The following RBPMS variants were observed in gnomAD, a reference collection of about 807,000 sequenced individuals.
The protein encoded by RBPMS is RNA-binding protein with multiple splicing.
A neutral mutation model predicts 26.8 loss-of-function variants in RBPMS; 7 were observed. That is an observed-to-expected ratio of 0.26 (90% CI 0.15 to 0.49). RBPMS has a LOEUF of 0.49. RBPMS is among the 20% of genes least tolerant of loss of function. The pLI is 0.98. For missense variants in RBPMS, 186 were observed against 250.0 expected (o/e 0.74, Z 1.73); for synonymous variants, 96 against 93.3 (o/e 1.03, Z -0.17).
chr8:30,479,080 A>G (rs768875254), intron 3 of RBPMS, among the ~76,000 whole-genome samples: 1 of 151,978 alleles, frequency 6.6e-6, no homozygotes, highest in Non-Finnish European at 1.5e-5. Flanking sequence ...TTTTTTTATG[A>G]TTCTCTAAAT....
chr8:30,448,252 A>G (rs1814109838), intron 1 of RBPMS, among the ~76,000 whole-genome samples: 1 of 152,196 alleles, frequency 6.6e-6, no homozygotes, highest in Non-Finnish European at 1.5e-5. Context: ...GTTAACTTGT[A>G]TTTGACATTT....
chr8:30,408,289 G>A (rs1808883149), intron 1 of RBPMS, among the ~76,000 whole-genome samples: 1 of 152,150 alleles, frequency 6.6e-6, no homozygotes, highest in Admixed American at 6.5e-5. Context: ...AGCACTTTAG[G>A]AGGCTGAGGC....
chr8:30,511,016 T>C (rs958922062), intron 5 of RBPMS, among the ~76,000 whole-genome samples: 15 of 152,034 alleles, frequency 9.9e-5, no homozygotes, highest in Admixed American at 7.9e-4. Context: ...CAACTTCTTA[T>C]TGAAAAAAAT....
At chr8:30,549,720 GA>G in intron 6 of RBPMS, 1 of 576,592 alleles carries the variant, frequency 1.7e-6, no homozygotes, top group Non-Finnish European at 3.1e-6. Context: ...GCCCTTCCTG[GA>G]GGCGATTTCT....
At chr8:30,496,960 G>A (rs918193530) in intron 4 of RBPMS, among the ~76,000 whole-genome samples, 26 of 152,138 alleles carry the variant, frequency 1.7e-4, no homozygotes, top group African/African-American at 5.6e-4. Flanking sequence ...TGATATAACC[G>A]ATTATGATGC....
chr8:30,529,752 C>CTT (rs34005902), intron 5 of RBPMS, among the ~76,000 whole-genome samples: 18 of 140,722 alleles, frequency 1.3e-4, no homozygotes, highest in African/African-American at 3.9e-4. Flanking sequence ...GAACTTCATC[C>CTT]TTTTTTTTTT....
intron 1 of RBPMS, among the ~76,000 whole-genome samples, chr8:30,447,781 C>A (rs1371443149): frequency 6.6e-6 from 1 of 151,882 alleles, no homozygotes; most frequent in Non-Finnish European, 1.5e-5. Flanking sequence ...TTTAACTTAG[C>A]AATGAATCTT....
chr8:30,389,508 G>GTGAT (rs1807529376), intron 1 of RBPMS, among the ~76,000 whole-genome samples: 1 of 152,204 alleles, frequency 6.6e-6, no homozygotes, highest in Admixed American at 6.5e-5. Flanking sequence ...CAGAGCAGTG[G>GTGAT]TGATGTAAAT....
At chr8:30,434,103 C>T (rs1056525913) in intron 1 of RBPMS, among the ~76,000 whole-genome samples, 4 of 144,270 alleles carry the variant, frequency 2.8e-5, no homozygotes, top group African/African-American at 5.8e-5. Flanking sequence ...GGTAACAGAG[C>T]GAGACTCTGT....
intron 2 of RBPMS, among the ~76,000 whole-genome samples, chr8:30,476,001 T>C (rs1817655387): frequency 6.6e-6 from 1 of 152,194 alleles, no homozygotes; most frequent in Non-Finnish European, 1.5e-5. Context: ...GTTGTACTTT[T>C]ATAAAAAGGA....
At chr8:30,501,758 C>A (rs1308942028) in intron 4 of RBPMS, among the ~76,000 whole-genome samples, 2 of 152,142 alleles carry the variant, frequency 1.3e-5, no homozygotes, top group African/African-American at 4.8e-5. Flanking sequence ...ACAGGTTCAC[C>A]CTTTCACTTG....
chr8:30,387,602 C>T (rs186447457), intron 1 of RBPMS, among the ~76,000 whole-genome samples: 131 of 152,180 alleles, frequency 8.6e-4, no homozygotes, highest in Admixed American at 3.2e-3. Context: ...GATATATACA[C>T]GTAATGACGA....
chr8:30,516,819 G>A (rs559629676), intron 5 of RBPMS, among the ~76,000 whole-genome samples: 35 of 151,938 alleles, frequency 2.3e-4, no homozygotes, highest in Non-Finnish European at 4.3e-4. Flanking sequence ...AGTTGAGCCC[G>A]GGAATCTAAG....
At chr8:30,570,159 CAAATCTAACTTGGGACA>C (rs569745752) in intron 8 of RBPMS, among the ~76,000 whole-genome samples, 214 of 152,264 alleles carry the variant, frequency 1.4e-3, no homozygotes, top group African/African-American at 4.5e-3. Flanking sequence ...CACATTTTCC[CAAATCTAACTTGGGACA>C]AAATCTAACT....
chr8:30,524,437 A>G (rs544824079), intron 5 of RBPMS, among the ~76,000 whole-genome samples: 1 of 152,280 alleles, frequency 6.6e-6, no homozygotes, highest in South Asian at 2.1e-4. Flanking sequence ...TTAAGGAGAT[A>G]TGTAGTTTTC....
intron 4 of RBPMS, among the ~76,000 whole-genome samples, chr8:30,497,215 G>C (rs1409495275): frequency 6.6e-6 from 1 of 152,144 alleles, no homozygotes; most frequent in Non-Finnish European, 1.5e-5. Context: ...TGGTCCCCAG[G>C]ATATTTCCTT....
At chr8:30,460,573 A>G (rs1214482006) in intron 1 of RBPMS, among the ~76,000 whole-genome samples, 1 of 152,158 alleles carries the variant, frequency 6.6e-6, no homozygotes, top group African/African-American at 2.4e-5. Context: ...TATTATTGCT[A>G]TTTATTTTCT....
rs567125409 is a variant in RBPMS at position 30,537,411 on chromosome 8, A to C, written c.398-7083A>C. On this transcript the variant is annotated intron_variant, in intron 5 of 8. Transcript: ENST00000397323. ...GGGGTCTGCTTGCTTTTTTGCAGAAAACTTGTTGCTTCTGCAGTTTGTATC... is the reference window on the plus strand; with the variant it reads ...GGGGTCTGCTTGCTTTTTTGCAGAACACTTGTTGCTTCTGCAGTTTGTATC... Among the ~76,000 whole-genome samples the C allele has an allele frequency of 4.6e-5, 7 of 152,242 alleles. No homozygotes were observed. In the East Asian group the frequency reaches 1.4e-3, roughly 29 times the overall value.
intron 6 of RBPMS, among the ~76,000 whole-genome samples, chr8:30,549,044 A>C (rs1007680451): frequency 3.9e-5 from 6 of 152,170 alleles, no homozygotes; most frequent in Non-Finnish European, 5.9e-5. Flanking sequence ...GATCCCCTCC[A>C]GGCGCATGGG....
Sources: allele counts gnomAD v4.1 joint callset (sites outside exome capture counted in the v4.1 genomes callset), GRCh38; gene constraint gnomAD v4.1.1; transcripts MANE v1.5; gene names NCBI Gene and HGNC (gene_info 2026-07-23, HGNC 2026-07-21).